The following RSRC1 variants were observed in gnomAD, a reference collection of about 807,000 sequenced individuals.
RSRC1 encodes the protein arginine and serine rich coiled-coil 1.
In RSRC1, 39 loss-of-function variants were observed where a neutral mutation model predicts 49.1. The observed-to-expected ratio is 0.79, with a 90% confidence interval of 0.61 to 1.04. The LOEUF is 1.04. Among genes scored for constraint, RSRC1 ranks in the 50% least tolerant of loss-of-function variants. RSRC1 has a pLI of 0.00. For synonymous variants in RSRC1, 143 were observed against 130.8 expected (o/e 1.09, Z -0.63); for missense variants, 388 against 402.4 (o/e 0.96, Z 0.31).
At position 158,153,219 on chromosome 3, in the gene RSRC1, G is replaced by A. The variant is rs1717659156; in HGVS notation, c.320+29228G>A. On this transcript the variant is annotated intron_variant, in intron 3 of 9. Coordinates refer to ENST00000611884, the MANE Select transcript of RSRC1 (RefSeq NM_001271838.2). ...CTTAAATCTTGTGTCAGTTACTTAAGTGCCTCTTCTAGAGATTCTCTTAAC... is the reference window on the plus strand; with the variant it reads ...CTTAAATCTTGTGTCAGTTACTTAAATGCCTCTTCTAGAGATTCTCTTAAC... 2.0e-5 allele frequency among the ~76,000 whole-genome samples: 3 copies of A among 152,112 alleles called. No individual in the cohort carries two copies. In the South Asian group the frequency reaches 6.2e-4, roughly 32 times the overall value.
rs1028105745 is a variant in RSRC1, at chr3:158,214,637, T to C, written c.494+11392T>C. On this transcript the variant is annotated intron_variant, in intron 4 of 9. Coordinates refer to ENST00000611884, the MANE Select transcript of RSRC1 (RefSeq NM_001271838.2). ...TCATATGTTGTGTTTTTATATCTTC[T>C]CAGTTCTCAATATTTTCTAATTTTC... 2.0e-5 allele frequency among the ~76,000 whole-genome samples: 3 copies of C among 151,860 alleles called. No homozygotes were observed. The South Asian group carries it at 6.2e-4, about 31-fold the overall frequency.
chr3:158,363,850 G>A (rs1393859284), intron 6 of RSRC1, among the ~76,000 whole-genome samples: 1 of 152,110 alleles, frequency 6.6e-6, no homozygotes, highest in Non-Finnish European at 1.5e-5. Flanking sequence ...CTAAAGTAAT[G>A]TTTTATGATT....
chr3:158,311,646 G>A (rs116716378), intron 5 of RSRC1, among the ~76,000 whole-genome samples: 2,478 of 151,998 alleles, frequency 0.016, 65 homozygotes, highest in African/African-American at 0.057. Flanking sequence ...CTAATGTACA[G>A]CATGGTGACT....
intron 7 of RSRC1, among the ~76,000 whole-genome samples, chr3:158,488,622 G>C (rs983488025): frequency 1.3e-5 from 2 of 151,796 alleles, no homozygotes; most frequent in African/African-American, 4.8e-5. Flanking sequence ...TCTAGCAAAG[G>C]GTCCATTAAA....
intron 7 of RSRC1, among the ~76,000 whole-genome samples, chr3:158,491,465 G>GT (rs1200283688): frequency 2.6e-5 from 4 of 152,050 alleles, no homozygotes; most frequent in Admixed American, 1.3e-4. Context: ...GTTTGGTTTG[G>GT]TTTTTTTGGT....
intron 4 of RSRC1, among the ~76,000 whole-genome samples, chr3:158,215,044 G>A (rs1379461574): frequency 6.7e-6 from 1 of 149,350 alleles, no homozygotes; most frequent in Non-Finnish European, 1.5e-5. Flanking sequence ...ATTTTGCTTT[G>A]TGTATTTTTT....
chr3:158,196,361 A>G (rs1028470081), intron 3 of RSRC1, among the ~76,000 whole-genome samples: 2 of 152,120 alleles, frequency 1.3e-5, no homozygotes, highest in African/African-American at 4.8e-5. Flanking sequence ...GTATCCTGAG[A>G]CTTTGCTGAA....
At chr3:158,128,263 T>G (rs1425315432) in intron 3 of RSRC1, among the ~76,000 whole-genome samples, 3 of 152,222 alleles carry the variant, frequency 2.0e-5, no homozygotes, top group Non-Finnish European at 4.4e-5. Flanking sequence ...AGCCATGAGC[T>G]GAATGGAGAT....
chr3:158,455,127 T>C (rs1035436652), intron 6 of RSRC1, among the ~76,000 whole-genome samples: 1 of 152,164 alleles, frequency 6.6e-6, no homozygotes, highest in Non-Finnish European at 1.5e-5. Flanking sequence ...TAGAACTTTT[T>C]CCATGTTTGT....
intron 3 of RSRC1, among the ~76,000 whole-genome samples, chr3:158,192,409 A>G (rs1720302672): frequency 6.6e-6 from 1 of 152,124 alleles, no homozygotes; most frequent in Non-Finnish European, 1.5e-5. Context: ...GGAAAATGGC[A>G]GGCATATGTT....
At chr3:158,395,009 A>T (rs1453116821) in intron 6 of RSRC1, among the ~76,000 whole-genome samples, 3 of 152,032 alleles carry the variant, frequency 2.0e-5, no homozygotes, top group African/African-American at 7.2e-5. Context: ...CAGAATAGAG[A>T]GCCCAGAAAT....
At chr3:158,228,472 A>G (rs1722647945) in intron 4 of RSRC1, among the ~76,000 whole-genome samples, 1 of 152,010 alleles carries the variant, frequency 6.6e-6, no homozygotes, top group Admixed American at 6.6e-5. Flanking sequence ...GAATCTGGAT[A>G]ACTTTAGATT....
intron 3 of RSRC1, among the ~76,000 whole-genome samples, chr3:158,147,786 A>G (rs553910701): frequency 1.1e-3 from 173 of 152,346 alleles, no homozygotes; most frequent in African/African-American, 4.0e-3. Flanking sequence ...GAACAATAGG[A>G]GAAATTCTCA....
intron 3 of RSRC1, among the ~76,000 whole-genome samples, chr3:158,201,965 AT>A (rs1320707740): frequency 6.6e-6 from 1 of 151,986 alleles, no homozygotes; most frequent in East Asian, 1.9e-4. Context: ...ACCTTTGTTT[AT>A]TTTTTTGTTT....
chr3:158,156,131 C>T (rs756748446), intron 3 of RSRC1, among the ~76,000 whole-genome samples: 1 of 152,198 alleles, frequency 6.6e-6, no homozygotes, highest in Non-Finnish European at 1.5e-5. Context: ...TTAGCTGTAT[C>T]TTCTGGATTA....
intron 5 of RSRC1, chr3:158,303,500 G>A (rs1308425214): frequency 6.6e-6 from 1 of 152,100 alleles, no homozygotes; most frequent in Non-Finnish European, 1.5e-5. Context: ...TGGGATTCTT[G>A]CTTAAAGCAC....
intron 6 of RSRC1, among the ~76,000 whole-genome samples, chr3:158,359,074 C>G (rs75529113): frequency 1.3e-3 from 202 of 151,802 alleles, no homozygotes; most frequent in Middle Eastern, 3.4e-3. Flanking sequence ...AGGTGTATAC[C>G]TAGGAGGGTG....
chr3:158,239,859 A>G (rs1723468471), intron 4 of RSRC1, among the ~76,000 whole-genome samples: 1 of 152,238 alleles, frequency 6.6e-6, no homozygotes, highest in Non-Finnish European at 1.5e-5. Context: ...TAACAATAAA[A>G]GAAAGAATAA....
chr3:158,477,004 T>C (rs1224724356), intron 7 of RSRC1, among the ~76,000 whole-genome samples: 1 of 152,114 alleles, frequency 6.6e-6, no homozygotes, highest in Non-Finnish European at 1.5e-5. Flanking sequence ...GGCTCAAGAC[T>C]TCAGTGGAGG....
Sources: gnomAD v4.1 joint callset for allele counts (sites outside exome capture counted in the v4.1 genomes callset) on GRCh38, gnomAD v4.1.1 for gene constraint, MANE v1.5 for transcripts, NCBI Gene and HGNC (gene_info 2026-07-23, HGNC 2026-07-21) for gene names.